PPFIA1: variants seen among roughly 807,000 people sequenced by gnomAD.
PPFIA1 encodes the protein PPFI scaffold protein A1, also known as liprin-alpha-1.
Under a neutral mutation model 149.9 loss-of-function variants are expected in PPFIA1, and 25 were observed. That is an observed-to-expected ratio of 0.17 (90% CI 0.12 to 0.23). PPFIA1 has a LOEUF of 0.23. PPFIA1 is among the 10% of genes least tolerant of loss of function. The probability of loss-of-function intolerance (pLI) is 1.00; values close to 1 mark genes in which losing one functional copy is unlikely to be tolerated. For synonymous variants in PPFIA1, 549 were observed against 552.8 expected, an observed-to-expected ratio of 0.99 and a Z score of 0.10; for missense variants, 1,362 against 1,506.5, an observed-to-expected ratio of 0.90 and a Z score of 1.59.
chr11:70,365,897 A>G (rs1367991093), intron 21 of PPFIA1: 3 of 455,782 alleles, frequency 6.6e-6, no homozygotes, highest in Non-Finnish European at 8.8e-6. Flanking sequence ...GCTCACCAAT[A>G]CTAATAGTTA....
chr11:70,293,534 C>G (rs1317992086), intron 2 of PPFIA1, among the ~76,000 whole-genome samples: 1 of 152,228 alleles, frequency 6.6e-6, no homozygotes, highest in East Asian at 1.9e-4. Flanking sequence ...GGCCAGTCCC[C>G]TACCCCACTG....
chr11:70,283,002 G>A (rs1014877300), intron 2 of PPFIA1, among the ~76,000 whole-genome samples: 1 of 151,368 alleles, frequency 6.6e-6, no homozygotes, highest in Middle Eastern at 3.4e-3. Context: ...ACCATGCCCG[G>A]CTGATTTTTG....
At chr11:70,281,192 A>G (rs1378008133) in intron 2 of PPFIA1, among the ~76,000 whole-genome samples, 1 of 151,994 alleles carries the variant, frequency 6.6e-6, no homozygotes, top group Non-Finnish European at 1.5e-5. Flanking sequence ...GTCAGACATT[A>G]TGTATGAAAA....
chr11:70,321,347 T>C (rs562932837), intron 2 of PPFIA1: 1 of 152,274 alleles, frequency 6.6e-6, no homozygotes, highest in Admixed American at 6.5e-5. Flanking sequence ...ACTGAGCCAC[T>C]AGACAGGGAG....
At chr11:70,330,150 C>T (rs1286999891) in intron 7 of PPFIA1, 23 bp from the exon 8 acceptor site, 26 of 1,551,792 alleles carry the variant, frequency 1.7e-5, no homozygotes, top group Non-Finnish European at 2.3e-5. Flanking sequence ...ACTTTTTTGT[C>T]CCCTCTGAAA....
At chr11:70,314,576 C>G (rs1180699226) in intron 2 of PPFIA1, among the ~76,000 whole-genome samples, 3 of 152,178 alleles carry the variant, frequency 2.0e-5, no homozygotes, top group Non-Finnish European at 4.4e-5. Context: ...GCATCAGCAG[C>G]TTGGTGTGTA....
At chr11:70,380,854 G>A (rs1565473539) in intron 26 of PPFIA1, among the ~76,000 whole-genome samples, 2 of 151,908 alleles carry the variant, frequency 1.3e-5, no homozygotes, top group East Asian at 3.9e-4. Flanking sequence ...TTATTATTGA[G>A]ACAGGGTCTC....
In PPFIA1 at chr11:70,326,617, A is replaced by G. The variant is rs781691316; in HGVS notation, c.729A>G (p.Leu243=). The change falls in exon 7 of 28, where the codon TTA becomes TTG. Residue 243 remains leucine, a synonymous_variant. Coordinates refer to ENST00000253925, the MANE Select transcript of PPFIA1 (RefSeq NM_003626.5). Reference sequence around the variant, plus strand: ...ATCAGAGATCTTCTGATGGTTCTTTAAGCCACGAGGAAGACCTTGCTAAAG... The same window carrying G: ...ATCAGAGATCTTCTGATGGTTCTTTGAGCCACGAGGAAGACCTTGCTAAAG... ...TSGKRSSDGS[L]SHEEDLAKVI... 2.5e-6 allele frequency: 4 copies of G among 1,613,930 alleles called. No individual in the cohort carries two copies. The Admixed American group carries it at 6.7e-5, about 27-fold the overall frequency.
At chr11:70,376,807 C>G (rs1026432330) in intron 25 of PPFIA1, among the ~76,000 whole-genome samples, 1 of 152,174 alleles carries the variant, frequency 6.6e-6, no homozygotes, top group Non-Finnish European at 1.5e-5. Context: ...CACGGCGGCT[C>G]GCACCTGTAA....
chr11:70,330,456 A>AT, intron 8 of PPFIA1, 137 bp downstream of exon 8: 1 of 678,108 alleles, frequency 1.5e-6, no homozygotes, highest in African/African-American at 1.9e-5. Context: ...TGTTCAAGAC[A>AT]TGTGGGAGTT....
At chr11:70,279,112 T>A in intron 2 of PPFIA1, 1 of 543,056 alleles carries the variant, frequency 1.8e-6, no homozygotes, top group South Asian at 2.0e-5. Context: ...ACCTCTGCGG[T>A]GAGGTACTCC....
intron 7 of PPFIA1, 103 bp downstream of exon 7, chr11:70,326,921 C>A: frequency 1.1e-6 from 1 of 932,974 alleles, no homozygotes; most frequent in Non-Finnish European, 1.6e-6. Flanking sequence ...CTCCCAATTA[C>A]TTTCAACCTT....
intron 5 of PPFIA1, among the ~76,000 whole-genome samples, chr11:70,325,950 A>T (rs1235110106): frequency 6.8e-6 from 1 of 146,304 alleles, no homozygotes; most frequent in Non-Finnish European, 1.5e-5. Context: ...AAAAAAAAAA[A>T]GTAAAAGAAG....
chr11:70,360,721 T>G (rs1235256611), intron 19 of PPFIA1, among the ~76,000 whole-genome samples: 4 of 152,214 alleles, frequency 2.6e-5, no homozygotes, highest in African/African-American at 9.7e-5. Context: ...CACTTCATAC[T>G]CCTAAGAAAA....
chr11:70,316,566 G>A (rs2053641092), intron 2 of PPFIA1, among the ~76,000 whole-genome samples: 1 of 152,224 alleles, frequency 6.6e-6, no homozygotes. Context: ...AGGGTAAGGG[G>A]TGGGGCCCAG....
chr11:70,348,634 A>T (rs1208212126), intron 16 of PPFIA1, among the ~76,000 whole-genome samples: 1 of 152,244 alleles, frequency 6.6e-6, no homozygotes, highest in Non-Finnish European at 1.5e-5. Context: ...GATTCCTCAC[A>T]CTTTGGGAGA....
chr11:70,304,298 C>G (rs1220604174), intron 2 of PPFIA1, among the ~76,000 whole-genome samples: 1 of 152,078 alleles, frequency 6.6e-6, no homozygotes, highest in Non-Finnish European at 1.5e-5. Context: ...GTGCATCTCT[C>G]CTTCTGCTGT....
At chr11:70,307,083 C>T (rs2052903076) in intron 2 of PPFIA1, among the ~76,000 whole-genome samples, 2 of 152,188 alleles carry the variant, frequency 1.3e-5, no homozygotes. Flanking sequence ...GAAAATTAAC[C>T]TCAAGGTTTA....
intron 12 of PPFIA1, 75 bp from the exon 13 acceptor site, chr11:70,338,299 C>A: frequency 1.7e-6 from 2 of 1,201,736 alleles, no homozygotes; most frequent in Non-Finnish European, 1.2e-6. Context: ...TGCCCAACAT[C>A]TGAGCACATT....
Sources: gnomAD v4.1 joint callset for allele counts (sites outside exome capture counted in the v4.1 genomes callset) on GRCh38, gnomAD v4.1.1 for gene constraint, MANE v1.5 for transcripts, NCBI Gene and HGNC (gene_info 2026-07-23, HGNC 2026-07-21) for gene names.